The following SENP6 variants were observed in gnomAD, a reference collection of about 807,000 sequenced individuals.
SENP6 encodes sentrin-specific protease 6.
A neutral mutation model predicts 134.5 loss-of-function variants in SENP6; 41 were observed. The observed-to-expected ratio is 0.30, with a 90% CI of 0.24 to 0.40. The LOEUF (loss-of-function observed/expected upper bound fraction) is 0.40. Among genes scored for constraint, SENP6 ranks in the 10% least tolerant of loss-of-function variants. The pLI, the probability that SENP6 is intolerant of heterozygous loss-of-function variation, is 1.00. For missense variants in SENP6, 1,248 were observed against 1,312.5 expected, an observed-to-expected ratio of 0.95 and a Z score of 0.76; for synonymous variants, 395 against 429.8, an observed-to-expected ratio of 0.92 and a Z score of 1.00.
intron 6 of SENP6, chr6:75,646,863 AC>A (rs1250958853): frequency 6.6e-6 from 1 of 152,036 alleles, no homozygotes; most frequent in Non-Finnish European, 1.5e-5. Flanking sequence ...TAAGTACACT[AC>A]TATCTCCACC....
intron 3 of SENP6, among the ~76,000 whole-genome samples, chr6:75,629,604 T>G (rs1768958517): frequency 6.6e-6 from 1 of 152,080 alleles, no homozygotes; most frequent in Non-Finnish European, 1.5e-5. Flanking sequence ...CCAGCCAGAT[T>G]GAGGATTTAA....
At chr6:75,708,636 T>A (rs1245317210) in intron 19 of SENP6, among the ~76,000 whole-genome samples, 2 of 152,192 alleles carry the variant, frequency 1.3e-5, no homozygotes, top group Non-Finnish European at 2.9e-5. Context: ...GGCTCATGCC[T>A]GTAATCCCAA....
At chr6:75,678,335 A>T in intron 14 of SENP6, 1 of 356,484 alleles carries the variant, frequency 2.8e-6, no homozygotes, top group Non-Finnish European at 5.0e-6. Context: ...GTAGAGAGAG[A>T]AGTAAGATAC....
chr6:75,710,675 AGCTAAT>A (rs1775697615), intron 20 of SENP6, among the ~76,000 whole-genome samples: 1 of 152,220 alleles, frequency 6.6e-6, no homozygotes, highest in African/African-American at 2.4e-5. Flanking sequence ...GATGTGAACA[AGCTAAT>A]GTAACTGCTT....
chr6:75,672,107 G>T (rs1772725751), intron 11 of SENP6, among the ~76,000 whole-genome samples: 1 of 152,152 alleles, frequency 6.6e-6, no homozygotes, highest in South Asian at 2.1e-4. Context: ...TTTTGTTACA[G>T]CCCTCATACT....
rs1257913754 is a variant in SENP6 at position 75,617,533 on chromosome 6, C to T, written c.53-3999C>T. On this transcript the variant is annotated intron_variant, in intron 1 of 23. Transcript: ENST00000447266. ...GTGATCCGCCCGCCTCCGCCTCCAC[C>T]TCCCAAAGTGCTGGGATTACAGGCA... Among the ~76,000 whole-genome samples the T allele has an allele frequency of 5.3e-5, 8 of 152,020 alleles. No homozygotes were observed. The East Asian group carries it at 1.5e-3, about 29-fold the overall frequency.
At chr6:75,614,651 C>A (rs1231850516) in intron 1 of SENP6, among the ~76,000 whole-genome samples, 1 of 152,112 alleles carries the variant, frequency 6.6e-6, no homozygotes, top group African/African-American at 2.4e-5. Context: ...CAGATTTCAC[C>A]CACTGGTTCA....
Position 75,678,637 on chromosome 6 carries a change from G to A in SENP6, c.1903G>A (p.Asp635Asn). The A allele has an allele frequency of 6.2e-7, 1 of 1,604,478 alleles. No individual in the cohort carries two copies. Among genetic ancestry groups the A allele is most frequent in the South Asian group, 1.1e-5 (1 of 89,360 alleles). ...AAGCAAACAAGAATTTCAGTTTTTT[G>A]ATGAAGAAGAAGAAACTGGAGAAAA... ...LRSKQEFQFF[D>N]EEEETGENHT... Residue 635 changes from aspartate to asparagine, a missense_variant, in exon 15 of 24, where the codon GAT becomes AAT. Physicochemically the swap from Asp to Asn is conservative, Grantham distance 23. Coordinates refer to ENST00000447266, the MANE Select transcript of SENP6 (RefSeq NM_015571.4).
At chr6:75,616,485 A>G (rs1767854033) in intron 1 of SENP6, among the ~76,000 whole-genome samples, 2 of 152,178 alleles carry the variant, frequency 1.3e-5, no homozygotes, top group Non-Finnish European at 2.9e-5. Context: ...GTGGTGGCAC[A>G]CGCCTGTAAT....
intron 13 of SENP6, 78 bp from the exon 14 acceptor site, chr6:75,676,952 A>AG: frequency 1.4e-6 from 1 of 724,914 alleles, no homozygotes; most frequent in Non-Finnish European, 2.3e-6. Context: ...CCTGGAAAGA[A>AG]TTAATAATTA....
At chr6:75,707,295 A>T (rs1775462246) in intron 19 of SENP6, among the ~76,000 whole-genome samples, 1 of 151,900 alleles carries the variant, frequency 6.6e-6, no homozygotes, top group South Asian at 2.1e-4. Flanking sequence ...CAGACTTAAA[A>T]ATACAGATTT....
chr6:75,668,795 G>A (rs1772444792), intron 10 of SENP6, among the ~76,000 whole-genome samples: 1 of 152,212 alleles, frequency 6.6e-6, no homozygotes, highest in Non-Finnish European at 1.5e-5. Context: ...GAATTTCCAT[G>A]TAATGGAATT....
intron 7 of SENP6, among the ~76,000 whole-genome samples, chr6:75,658,267 G>A (rs563553394): frequency 1.3e-5 from 2 of 152,232 alleles, no homozygotes; most frequent in South Asian, 4.1e-4. Context: ...CTTTGTGATT[G>A]CACTAAGCAA....
chr6:75,620,007 C>A (rs570354499), intron 1 of SENP6, among the ~76,000 whole-genome samples: 8 of 147,470 alleles, frequency 5.4e-5, no homozygotes, highest in Admixed American at 2.1e-4. Flanking sequence ...GCGGGAAGAT[C>A]ATTTGGGCCC....
chr6:75,700,068 C>A (rs1455360579), intron 18 of SENP6, among the ~76,000 whole-genome samples: 1 of 152,022 alleles, frequency 6.6e-6, no homozygotes, highest in African/African-American at 2.4e-5. Flanking sequence ...ATGCCACAGG[C>A]CCAGCTAATT....
At chr6:75,688,180 A>G (rs940831717) in intron 16 of SENP6, among the ~76,000 whole-genome samples, 1 of 152,230 alleles carries the variant, frequency 6.6e-6, no homozygotes, top group Admixed American at 6.5e-5. Flanking sequence ...GCAAGGCTCC[A>G]TGGGCGTGGG....
intron 20 of SENP6, 126 bp downstream of exon 20, chr6:75,709,756 G>GC (rs1775643403): frequency 1.8e-6 from 1 of 546,196 alleles, no homozygotes; most frequent in East Asian, 2.9e-5. Flanking sequence ...GATCTCTTGA[G>GC]CCTAGGAGTT....
At chr6:75,669,429 A>G (rs1373420261) in intron 10 of SENP6, among the ~76,000 whole-genome samples, 1 of 152,152 alleles carries the variant, frequency 6.6e-6, no homozygotes, top group Non-Finnish European at 1.5e-5. Context: ...ACAAAATCAT[A>G]TGATCATATT....
chr6:75,711,285 A>C, intron 20 of SENP6, 43 bp from the exon 21 acceptor site: 2 of 1,370,738 alleles, frequency 1.5e-6, no homozygotes, highest in Non-Finnish European at 1.0e-6. Flanking sequence ...TTAGTTATTT[A>C]GATTATATAT....
Sources: allele counts gnomAD v4.1 joint callset (sites outside exome capture counted in the v4.1 genomes callset), GRCh38; gene constraint gnomAD v4.1.1; transcripts MANE v1.5; gene names NCBI Gene and HGNC (gene_info 2026-07-23, HGNC 2026-07-21).